INO80: variants seen among roughly 807,000 people sequenced by gnomAD.
INO80 encodes the protein chromatin-remodeling ATPase INO80.
A neutral mutation model predicts 203.4 loss-of-function variants in INO80; 20 were observed. The observed-to-expected ratio is 0.10, with a 90% CI of 0.07 to 0.14. INO80 has a LOEUF of 0.14. INO80 is among the 10% of genes least tolerant of loss of function. The pLI is 1.00. For missense variants in INO80, 1,419 were observed against 1,914.4 expected (o/e 0.74, Z 4.83); for synonymous variants, 726 against 685.2 (o/e 1.06, Z -0.93).
chr15:40,989,220 TTCCCTAGAATTCTCAGGC>T (rs2043784281), intron 29 of INO80, among the ~76,000 whole-genome samples: 1 of 152,182 alleles, frequency 6.6e-6, no homozygotes, highest in African/African-American at 2.4e-5. Context: ...AGGCATGGCT[TTCCCTAGAATTCTCAGGC>T]TCTCATCAAC....
chr15:41,091,071 T>C (rs1012838854), intron 5 of INO80, among the ~76,000 whole-genome samples: 1 of 151,948 alleles, frequency 6.6e-6, no homozygotes, highest in Non-Finnish European at 1.5e-5. Context: ...ATTACAGGCA[T>C]GCACCACCAC....
chr15:41,070,570 C>T, intron 12 of INO80, 23 bp from the exon 13 acceptor site: 1 of 1,554,450 alleles, frequency 6.4e-7, no homozygotes, highest in Non-Finnish European at 8.9e-7. Flanking sequence ...AATACATGGT[C>T]AACACCTCAT....
At chr15:41,072,503 G>A (rs932946925) in intron 11 of INO80, among the ~76,000 whole-genome samples, 10 of 151,556 alleles carry the variant, frequency 6.6e-5, no homozygotes, top group African/African-American at 2.4e-4. Context: ...GGCGGATCAC[G>A]AGGTCAGGAG....
chr15:41,112,526 C>T (rs536396683), intron 1 of INO80, among the ~76,000 whole-genome samples: 5 of 152,156 alleles, frequency 3.3e-5, no homozygotes, highest in Middle Eastern at 3.4e-3. Flanking sequence ...CAGTGGCTCA[C>T]GCCTGTAATC....
chr15:41,068,092 C>A (rs2045251525), intron 14 of INO80, among the ~76,000 whole-genome samples: 1 of 152,146 alleles, frequency 6.6e-6, no homozygotes, highest in Admixed American at 6.6e-5. Context: ...ACATTATAAG[C>A]TGGACTAAGA....
At chr15:41,084,199 A>T (rs1214150696) in intron 7 of INO80, among the ~76,000 whole-genome samples, 1 of 129,582 alleles carries the variant, frequency 7.7e-6, no homozygotes, top group Non-Finnish European at 1.5e-5. Context: ...AACTTCTTTA[A>T]AAAAAAAAAA....
chr15:41,053,093 G>GCTT (rs2044912365), intron 19 of INO80, among the ~76,000 whole-genome samples: 1 of 152,004 alleles, frequency 6.6e-6, no homozygotes, highest in African/African-American at 2.4e-5. Flanking sequence ...TATGGACCTT[G>GCTT]CTTGTATCCT....
At chr15:41,063,646 C>A (rs575714143) in intron 14 of INO80, among the ~76,000 whole-genome samples, 2 of 151,864 alleles carry the variant, frequency 1.3e-5, no homozygotes, top group East Asian at 3.9e-4. Flanking sequence ...TGGTGGCATG[C>A]GCCTGTAATC....
chr15:40,988,818 C>T (rs1289833671), intron 29 of INO80, among the ~76,000 whole-genome samples: 1 of 152,196 alleles, frequency 6.6e-6, no homozygotes, highest in Non-Finnish European at 1.5e-5. Flanking sequence ...AGTTTGAGAC[C>T]AGCCTGGCTA....
Position 40,982,882 on chromosome 15 carries a change from T to A in INO80, c.4433A>T (p.Tyr1478Phe). ...TGTACCTTTAGACACGTTGTACCCG[T>A]ATGCGGCATAGGCAGCTGCAGAGGC... is the stretch of plus-strand genomic sequence containing the variant. The part of the protein sequence containing the change: ...AAASAAAYAA[Y>F]GYNVSKGISA... The change falls in exon 35 of 36, where the codon TAC becomes TTC. Residue 1478 changes from tyrosine (Y) to phenylalanine (F), a missense_variant. This residue lies in a region of INO80 where 112 missense variants were observed against 106.2 expected (regional missense o/e 1.05). Coordinates refer to ENST00000648947, the MANE Select transcript of INO80 (RefSeq NM_017553.3). The A allele has an allele frequency of 6.2e-7, 1 of 1,613,440 alleles. No homozygotes were observed. The highest frequency in any genetic ancestry group is 1.1e-5 in the South Asian group (1 of 91,034).
At position 41,058,785 on chromosome 15, in the gene INO80, T is replaced by C; in HGVS notation, c.1843-4A>G. On this transcript the variant is annotated splice_polypyrimidine_tract_variant and splice_region_variant and intron_variant, in intron 15 of 35. Coordinates refer to ENST00000648947, the MANE Select transcript of INO80 (RefSeq NM_017553.3). Reference sequence around the variant, plus strand: ...CATCCTGAGTGTAGAGGGTCTTCTGTAAATATAAAAGGGGAAGGGTGAAAA... The same window carrying C: ...CATCCTGAGTGTAGAGGGTCTTCTGCAAATATAAAAGGGGAAGGGTGAAAA... The C allele has an allele frequency of 6.2e-7, 1 of 1,608,988 alleles. No individual in the cohort carries two copies. The highest frequency in any genetic ancestry group is 1.1e-5 in the South Asian group (1 of 90,408).
At chr15:41,099,253 A>AC (rs2045769859) in intron 1 of INO80, among the ~76,000 whole-genome samples, 3 of 135,276 alleles carry the variant, frequency 2.2e-5, no homozygotes, top group Non-Finnish European at 3.3e-5. Context: ...AAAAAAAAAA[A>AC]AAAAAAAAAA....
chr15:41,046,250 TA>T (rs2044764961), intron 23 of INO80, among the ~76,000 whole-genome samples: 1 of 87,898 alleles, frequency 1.1e-5, no homozygotes, highest in African/African-American at 3.9e-5. Context: ...TATATATATA[TA>T]TATATTCTTG....
At chr15:41,082,733 A>G (rs558317817) in intron 7 of INO80, among the ~76,000 whole-genome samples, 47 of 152,044 alleles carry the variant, frequency 3.1e-4, no homozygotes, top group South Asian at 1.0e-3. Context: ...AAATAAACAG[A>G]ATTAGCTCAG....
chr15:41,057,301 A>G (rs2045003484), intron 16 of INO80, among the ~76,000 whole-genome samples: 1 of 151,814 alleles, frequency 6.6e-6, no homozygotes, highest in Admixed American at 6.6e-5. Context: ...CTATAAATAC[A>G]AAAAATTAGC....
intron 24 of INO80, among the ~76,000 whole-genome samples, chr15:41,029,128 A>G (rs546501054): frequency 6.6e-6 from 1 of 152,362 alleles, no homozygotes; most frequent in Admixed American, 6.5e-5. Flanking sequence ...AAGGCAGTCT[A>G]ATTTATACAT....
intron 19 of INO80, 36 bp from the exon 20 acceptor site, chr15:41,050,138 T>C (rs373940277): frequency 1.7e-5 from 26 of 1,513,428 alleles, no homozygotes; most frequent in Non-Finnish European, 2.3e-5. Context: ...TTTGGAAAAG[T>C]AGTTTTTAAG....
chr15:40,989,676 C>T (rs906837782), intron 29 of INO80, among the ~76,000 whole-genome samples: 1 of 152,206 alleles, frequency 6.6e-6, no homozygotes, highest in African/African-American at 2.4e-5. Flanking sequence ...CAGCTCTCTG[C>T]CAGTTACACA....
intron 24 of INO80, among the ~76,000 whole-genome samples, chr15:41,035,512 C>T (rs1333792147): frequency 6.7e-6 from 1 of 149,836 alleles, no homozygotes; most frequent in South Asian, 2.1e-4. Flanking sequence ...GGTGACAAAG[C>T]AAGACTACAT....
Sources: gnomAD v4.1 joint callset for allele counts (sites outside exome capture counted in the v4.1 genomes callset) on GRCh38, gnomAD v4.1.1 for gene constraint, gnomAD v4.1.1 regional missense constraint, MANE v1.5 for transcripts, NCBI Gene and HGNC (gene_info 2026-07-23, HGNC 2026-07-21) for gene names.